CLTC: variants seen among roughly 807,000 people sequenced by gnomAD.
CLTC encodes clathrin heavy chain 1.
A neutral mutation model predicts 195.8 loss-of-function variants in CLTC; 16 were observed. That is an observed-to-expected ratio of 0.08 (90% CI 0.06 to 0.12). The LOEUF is 0.12. Ranked by LOEUF, CLTC falls within the 10% of genes least tolerant of loss-of-function variation. The probability of loss-of-function intolerance (pLI) is 1.00; values close to 1 mark genes in which losing one functional copy is unlikely to be tolerated. For missense variants in CLTC, 796 were observed against 2,027.0 expected, an observed-to-expected ratio of 0.39 and a Z score of 11.66; for synonymous variants, 667 against 689.4, an observed-to-expected ratio of 0.97 and a Z score of 0.51.
intron 10 of CLTC, among the ~76,000 whole-genome samples, 169 bp downstream of exon 10, chr17:59,665,078 A>C (rs2032697087): frequency 6.6e-6 from 1 of 152,154 alleles, no homozygotes; most frequent in Admixed American, 6.5e-5. Flanking sequence ...TTTAAAAATC[A>C]GCTGCATGTG....
intron 30 of CLTC, among the ~76,000 whole-genome samples, chr17:59,687,998 C>G (rs755426965): frequency 7.2e-5 from 11 of 152,102 alleles, no homozygotes; most frequent in Non-Finnish European, 1.3e-4. Context: ...TTATGTTGAA[C>G]CAAACTGGAA....
intron 8 of CLTC, among the ~76,000 whole-genome samples, chr17:59,662,125 C>A (rs529713158): frequency 1.3e-5 from 2 of 151,620 alleles, no homozygotes; most frequent in Admixed American, 1.3e-4. Flanking sequence ...AAAGTTGGAT[C>A]TTAGTAAGAC....
chr17:59,640,698 C>T (rs12935852), intron 1 of CLTC, among the ~76,000 whole-genome samples: 38 of 151,978 alleles, frequency 2.5e-4, no homozygotes, highest in African/African-American at 8.0e-4. Context: ...CACGCCCAGC[C>T]GAAGTTCCTG....
chr17:59,646,711 T>A (rs1454934245), intron 2 of CLTC, among the ~76,000 whole-genome samples: 1 of 152,250 alleles, frequency 6.6e-6, no homozygotes, highest in Non-Finnish European at 1.5e-5. Flanking sequence ...CTTTTTTAAC[T>A]AAATGCTTGC....
intron 2 of CLTC, among the ~76,000 whole-genome samples, chr17:59,645,251 T>C (rs1401617611): frequency 6.6e-6 from 1 of 152,162 alleles, no homozygotes; most frequent in Non-Finnish European, 1.5e-5. Context: ...ACTTAGATTA[T>C]TGGGTTCTAG....
chr17:59,659,954 A>G (rs2032571519), intron 6 of CLTC, among the ~76,000 whole-genome samples: 1 of 152,234 alleles, frequency 6.6e-6, no homozygotes, highest in Admixed American at 6.5e-5. Flanking sequence ...AATGTCATTT[A>G]GATATCATAG....
At chr17:59,632,226 G>A (rs906117619) in intron 1 of CLTC, among the ~76,000 whole-genome samples, 1 of 151,862 alleles carries the variant, frequency 6.6e-6, no homozygotes, top group African/African-American at 2.4e-5. Context: ...AAATTAGCTG[G>A]GCGCGGTGGC....
Position 59,663,823 on chromosome 17 carries a change from C to A in CLTC, c.1369-19C>A. 3 of 1,604,600 alleles carry A rather than the reference C, an allele frequency of 1.9e-6. No homozygotes were observed. The highest frequency in any genetic ancestry group is 1.7e-6 in the Non-Finnish European group (2 of 1,176,622). On this transcript the variant is annotated intron_variant, in intron 8 of 31. Transcript: ENST00000269122. ...AACAGTTCATGGATCACTAAACAATCTCTTTTTCCTTTGGACAGCTGGAAT... is the reference window on the plus strand; with the variant it reads ...AACAGTTCATGGATCACTAAACAATATCTTTTTCCTTTGGACAGCTGGAAT...
intron 1 of CLTC, among the ~76,000 whole-genome samples, chr17:59,628,118 A>G (rs1236998021): frequency 6.6e-6 from 1 of 152,146 alleles, no homozygotes; most frequent in Non-Finnish European, 1.5e-5. Context: ...GTAAATAAGG[A>G]TTTTCTTCAA....
At chr17:59,664,413 C>T (rs1185113371) in intron 9 of CLTC, among the ~76,000 whole-genome samples, 2 of 151,652 alleles carry the variant, frequency 1.3e-5, no homozygotes, top group South Asian at 2.1e-4. Flanking sequence ...AGTAGCCAGG[C>T]GTGGTGGTGT....
intron 17 of CLTC, among the ~76,000 whole-genome samples, chr17:59,678,120 G>C (rs937692710): frequency 2.0e-5 from 3 of 152,150 alleles, no homozygotes; most frequent in South Asian, 2.1e-4. Context: ...GAGTTCCTCT[G>C]ATGGTTCCCG....
intron 30 of CLTC, among the ~76,000 whole-genome samples, chr17:59,688,652 C>T (rs549062856): frequency 7.2e-5 from 11 of 152,272 alleles, no homozygotes; most frequent in South Asian, 2.1e-4. Flanking sequence ...CTTCCCCCTA[C>T]GCCCAAACTT....
intron 1 of CLTC, among the ~76,000 whole-genome samples, chr17:59,624,958 C>T (rs1436573453): frequency 6.6e-6 from 1 of 152,100 alleles, no homozygotes; most frequent in African/African-American, 2.4e-5. Flanking sequence ...GCGTGAGTCA[C>T]CATGCCATGC....
intron 18 of CLTC, 24 bp downstream of exon 18, chr17:59,679,543 G>C (rs765764442): frequency 1.8e-5 from 27 of 1,539,782 alleles, no homozygotes; most frequent in Non-Finnish European, 2.1e-5. Context: ...ATGTGTTTAT[G>C]GCTGTCAGTA....
chr17:59,671,795 A>G (rs141564148), intron 14 of CLTC, among the ~76,000 whole-genome samples: 30 of 152,258 alleles, frequency 2.0e-4, no homozygotes, highest in East Asian at 7.7e-4. Context: ...CTGTACTACT[A>G]TTCTCTCATG....
chr17:59,674,337 C>A (rs867378952), intron 15 of CLTC, among the ~76,000 whole-genome samples: 1 of 152,072 alleles, frequency 6.6e-6, no homozygotes, highest in African/African-American at 2.4e-5. Context: ...TAGAAACAGG[C>A]AGTATTGCTA....
At chr17:59,693,657 T>C (rs113799644) in intron 31 of CLTC, 71 bp from the exon 32 acceptor site, 1 of 1,524,474 alleles carries the variant, frequency 6.6e-7, no homozygotes, top group Non-Finnish European at 8.8e-7. Flanking sequence ...ATTGGAGTGT[T>C]CTAAATGCTA....
chr17:59,673,673 A>G lies in CLTC; in HGVS notation c.2319A>G (p.Pro773=), dbSNP rs767538143. The change falls in exon 15 of 32, where the codon CCA becomes CCG. Residue 773 remains proline, a synonymous_variant. Coordinates refer to ENST00000269122, the MANE Select transcript of CLTC (RefSeq NM_004859.4). ...LKEAKLTDQL[P]LIIVCDRFDF... is the part of the protein sequence containing the mutation. ...AAGCAAAACTAACAGATCAGCTACC[A>G]CTTATCATTGTGTGTGATCGATTTG... The G allele has an allele frequency of 2.5e-6, 4 of 1,612,008 alleles. No homozygotes were observed. In the Admixed American group the frequency reaches 5.0e-5, roughly 20 times the overall value.
At position 59,683,815 on chromosome 17, in the gene CLTC, AC is replaced by A; in HGVS notation, c.4324-59del. ...CAAGGAATTAGGACATACTTCGATA[AC>A]TTTTGTCCCTGGGACTTCAATAATG... On this transcript the variant is annotated intron_variant, in intron 27 of 31. Coordinates refer to ENST00000269122, the MANE Select transcript of CLTC (RefSeq NM_004859.4). This position sits in a 1 kb window ranked among gnomAD's most constrained non-coding sequence, Gnocchi z 6.1. The A allele has an allele frequency of 3.1e-6, 5 of 1,612,594 alleles. No homozygotes were observed. In the South Asian group the frequency reaches 4.4e-5, roughly 14 times the overall value.
Sources: allele counts gnomAD v4.1 joint callset (sites outside exome capture counted in the v4.1 genomes callset), GRCh38; gene constraint gnomAD v4.1.1; non-coding constraint Gnocchi (gnomAD v3.1); transcripts MANE v1.5; gene names NCBI Gene and HGNC (gene_info 2026-07-23, HGNC 2026-07-21).